MCF2L2: variants seen among roughly 807,000 people sequenced by gnomAD.
MCF2L2 encodes the protein probable guanine nucleotide exchange factor MCF2L2.
MCF2L2 carries 102 observed loss-of-function variants against 150.2 expected under a neutral mutation model. That is an observed-to-expected ratio of 0.68 (90% CI 0.58 to 0.80). The LOEUF is 0.80. MCF2L2 is among the 30% of genes least tolerant of loss of function. MCF2L2 has a pLI of 0.00. For missense variants in MCF2L2, 1,256 were observed against 1,372.8 expected (o/e 0.91, Z 1.34); for synonymous variants, 465 against 491.3 (o/e 0.95, Z 0.71).
chr3:183,311,811 A>G, intron 7 of MCF2L2, 39 bp from the exon 8 acceptor site: 1 of 1,588,990 alleles, frequency 6.3e-7, no homozygotes, highest in South Asian at 1.1e-5. Flanking sequence ...ACGAATTAGA[A>G]AAAACAAATT....
At chr3:183,311,808 AG>A (rs1729392016) in intron 7 of MCF2L2, 36 bp from the exon 8 acceptor site, 2 of 1,591,956 alleles carry the variant, frequency 1.3e-6, no homozygotes, top group Admixed American at 1.8e-5. Flanking sequence ...AGAACGAATT[AG>A]AAAAAACAAA....
At chr3:183,203,844 C>T (rs1576919039) in intron 25 of MCF2L2, among the ~76,000 whole-genome samples, 1 of 152,018 alleles carries the variant, frequency 6.6e-6, no homozygotes, top group Admixed American at 6.6e-5. Context: ...AAGCAGCAAG[C>T]ACATAGAAGG....
At chr3:183,356,321 T>C (rs1015003514) in intron 3 of MCF2L2, among the ~76,000 whole-genome samples, 2 of 152,078 alleles carry the variant, frequency 1.3e-5, no homozygotes, top group Non-Finnish European at 2.9e-5. Context: ...GAGACCATCC[T>C]GGCCAACACG....
At chr3:183,312,085 T>G (rs1420209023) in intron 7 of MCF2L2, among the ~76,000 whole-genome samples, 1 of 152,242 alleles carries the variant, frequency 6.6e-6, no homozygotes, top group Non-Finnish European at 1.5e-5. Context: ...CAATCTAGTT[T>G]TAATCCAAGA....
chr3:183,347,879 A>C (rs1325750613), intron 3 of MCF2L2, among the ~76,000 whole-genome samples: 1 of 152,192 alleles, frequency 6.6e-6, no homozygotes, highest in Non-Finnish European at 1.5e-5. Flanking sequence ...TAGAATTGTG[A>C]TCATTAAGAA....
intron 14 of MCF2L2, among the ~76,000 whole-genome samples, chr3:183,280,570 A>G (rs60787497): frequency 0.026 from 3,914 of 152,144 alleles, 173 homozygotes; most frequent in African/African-American, 0.087. Context: ...TATCTGGGCC[A>G]GGCGTGGTGG....
Position 183,400,910 on chromosome 3 carries a change from C to A in MCF2L2, c.77-11131G>T, listed in dbSNP as rs1267400045. ...CAATTCTACCCTCCTTCTCTTCTAA[C>A]CTCTCTAGGCTGCCAGTAATAAAAT... is the stretch of plus-strand genomic sequence containing the variant. On this transcript the variant is annotated intron_variant, in intron 1 of 29. Transcript: ENST00000328913. Among the ~76,000 whole-genome samples the A allele has an allele frequency of 2.0e-5, 3 of 152,228 alleles. No individual in the cohort carries two copies. In the East Asian group the frequency reaches 5.8e-4, roughly 29 times the overall value.
At chr3:183,260,248 A>C (rs1364596338) in intron 15 of MCF2L2, among the ~76,000 whole-genome samples, 1 of 152,134 alleles carries the variant, frequency 6.6e-6, no homozygotes, top group Non-Finnish European at 1.5e-5. Flanking sequence ...AGGCTTAAAG[A>C]GCTACCACAT....
chr3:183,297,371 CCACTTCTCAGGGAAGT>C (rs1728572376), intron 11 of MCF2L2: 2 of 527,732 alleles, frequency 3.8e-6, no homozygotes, highest in African/African-American at 3.8e-5. Flanking sequence ...TGATACCTGT[CCACTTCTCAGGGAAGT>C]CACTCGGTCA....
chr3:183,247,955 A>G (rs1267248975), intron 15 of MCF2L2, among the ~76,000 whole-genome samples: 1 of 152,200 alleles, frequency 6.6e-6, no homozygotes, highest in Non-Finnish European at 1.5e-5. Context: ...CTATTGCAAA[A>G]AGGAAATTCC....
chr3:183,277,952 A>C (rs1242149031), intron 14 of MCF2L2, among the ~76,000 whole-genome samples: 3 of 148,928 alleles, frequency 2.0e-5, no homozygotes, highest in Non-Finnish European at 4.5e-5. Flanking sequence ...TAGGAGGCTG[A>C]GGTCAGTGGA....
Position 183,305,630 on chromosome 3 carries a change from C to A in MCF2L2, c.1113+4086G>T, listed in dbSNP as rs1274313041. On this transcript the variant is annotated intron_variant, in intron 10 of 29. Coordinates refer to ENST00000328913, the MANE Select transcript of MCF2L2 (RefSeq NM_015078.4). This position sits in a 1 kb window ranked among gnomAD's most constrained non-coding sequence, Gnocchi z 4.1. ...CTTTGGGAAGCCAAGGCCGGCGGAT[C>A]ACAAGGTCAGGAGTTAGAGACCAGC... Among the ~76,000 whole-genome samples the A allele has an allele frequency of 6.6e-6, 1 of 152,230 alleles. No homozygotes were observed. The highest frequency in any genetic ancestry group is 1.5e-5 in the Non-Finnish European group (1 of 68,036).
At position 183,311,690 on chromosome 3, in the gene MCF2L2, T is replaced by G; in HGVS notation, c.836A>C (p.Lys279Thr). 6.2e-7 allele frequency: 1 copy of G among 1,614,158 alleles called. No homozygotes were observed. The highest frequency in any genetic ancestry group is 1.7e-5 in the Admixed American group (1 of 60,030). The change falls in exon 8 of 30, where the codon AAA becomes ACA. Residue 279 changes from lysine (K) to threonine (T), a missense_variant. Coordinates refer to ENST00000328913, the MANE Select transcript of MCF2L2 (RefSeq NM_015078.4). ...QEPATKCPNS[K>T]LNLNQLENVT... ...ATTCTCAAGTTGGTTGAGATTGAGT[T>G]TGCTGTTGGGACATTTGGTTGCTGG...
intron 15 of MCF2L2, among the ~76,000 whole-genome samples, chr3:183,241,256 A>G (rs1724014961): frequency 6.6e-6 from 1 of 152,154 alleles, no homozygotes; most frequent in Non-Finnish European, 1.5e-5. Context: ...GGAATAGAAG[A>G]AGGAGGTTTG....
intron 1 of MCF2L2, among the ~76,000 whole-genome samples, chr3:183,423,628 A>ATTTTTT (rs1715998713): frequency 9.9e-6 from 1 of 100,662 alleles, no homozygotes; most frequent in Non-Finnish European, 2.1e-5. Context: ...TTTAAATTTT[A>ATTTTTT]TTTGTTTTTT....
chr3:183,292,055 G>A (rs1728179104), intron 13 of MCF2L2, among the ~76,000 whole-genome samples: 1 of 151,248 alleles, frequency 6.6e-6, no homozygotes, highest in South Asian at 2.1e-4. Context: ...TGTGGTATGT[G>A]TGTGCAAGTG....
intron 1 of MCF2L2, among the ~76,000 whole-genome samples, chr3:183,420,841 G>C (rs1715845089): frequency 1.3e-5 from 2 of 152,100 alleles, no homozygotes; most frequent in Non-Finnish European, 2.9e-5. Context: ...GAATAGCCTG[G>C]GGAAAAACCA....
rs1726660071 is a variant in MCF2L2, at chr3:183,270,498, A to G, written c.1862+6374T>C. 6.2e-7 allele frequency: 1 copy of G among 1,614,082 alleles called. No individual in the cohort carries two copies. The highest frequency in any genetic ancestry group is 1.7e-5 in the Admixed American group (1 of 60,002). On this transcript the variant is annotated intron_variant, in intron 15 of 29. Transcript: ENST00000328913. This position sits in a 1 kb window ranked among gnomAD's most constrained non-coding sequence, Gnocchi z 4.5. Reference sequence around the variant, plus strand: ...TGGTGCCCCTCCCATTAGAGATAAAAGCAGCAAATACTACGTGTCCTATGA... The same window carrying G: ...TGGTGCCCCTCCCATTAGAGATAAAGGCAGCAAATACTACGTGTCCTATGA...
intron 15 of MCF2L2, among the ~76,000 whole-genome samples, chr3:183,240,419 A>G (rs1172723525): frequency 6.6e-6 from 1 of 152,136 alleles, no homozygotes; most frequent in Non-Finnish European, 1.5e-5. Flanking sequence ...GGGTTTTACC[A>G]TGTTGGCCAG....
Sources: gnomAD v4.1 joint callset for allele counts (sites outside exome capture counted in the v4.1 genomes callset) on GRCh38, gnomAD v4.1.1 for gene constraint, Gnocchi (gnomAD v3.1) non-coding constraint, MANE v1.5 for transcripts, NCBI Gene and HGNC (gene_info 2026-07-23, HGNC 2026-07-21) for gene names.